The following DNAJC10 variants were observed in gnomAD, a reference collection of about 807,000 sequenced individuals.
DNAJC10 encodes DnaJ heat shock protein family (Hsp40) member C10.
Under a neutral mutation model 115.0 loss-of-function variants are expected in DNAJC10, and 101 were observed. The ratio of observed to expected loss-of-function variants is 0.88; its 90% CI spans 0.75 to 1.04. The LOEUF (loss-of-function observed/expected upper bound fraction) is 1.04. DNAJC10 is among the 50% of genes least tolerant of loss of function. DNAJC10 has a pLI of 0.00. For synonymous variants in DNAJC10, 307 were observed against 301.5 expected, an observed-to-expected ratio of 1.02 and a Z score of -0.19; for missense variants, 981 against 928.8, an observed-to-expected ratio of 1.06 and a Z score of -0.73.
chr2:182,767,308 C>T (rs147847597), intron 22 of DNAJC10, among the ~76,000 whole-genome samples: 5 of 152,318 alleles, frequency 3.3e-5, no homozygotes, highest in African/African-American at 1.2e-4. Context: ...TCTAAGGTTC[C>T]GTGATCAGGA....
intron 10 of DNAJC10, chr2:182,732,789 T>A (rs1693484923): frequency 4.0e-6 from 2 of 496,116 alleles, no homozygotes; most frequent in African/African-American, 2.0e-5. Context: ...TATAAGTTCC[T>A]CTTCAACTGA....
At chr2:182,750,963 G>A (rs2105666364) in intron 14 of DNAJC10, among the ~76,000 whole-genome samples, 1 of 152,212 alleles carries the variant, frequency 6.6e-6, no homozygotes, top group South Asian at 2.1e-4. Flanking sequence ...TCACTGGGCA[G>A]TTGGTAATAT....
rs1230753306 is a variant in DNAJC10, at chr2:182,778,742, TAAC to T, written c.*1612_*1614del. On this transcript the variant is annotated 3_prime_UTR_variant, in exon 24 of 24. Transcript: ENST00000264065. ...TGGAACAGTCACCACTTGTCACACTTAACACCAGCTTTTTGAATTATGATCAGT... is the reference window on the plus strand; with the variant it reads ...TGGAACAGTCACCACTTGTCACACTTACCAGCTTTTTGAATTATGATCAGT... The T allele has an allele frequency of 2.6e-5, 4 of 152,234 alleles. No homozygotes were observed. Among genetic ancestry groups the T allele is most frequent in the Non-Finnish European group, 5.9e-5 (4 of 68,042 alleles). The allele number at this position is 152,234 out of a possible 1,614,324, so 9.4% of individuals were successfully genotyped here.
intron 22 of DNAJC10, among the ~76,000 whole-genome samples, chr2:182,767,035 C>T (rs193058909): frequency 1.3e-5 from 2 of 152,206 alleles, no homozygotes; most frequent in South Asian, 2.1e-4. Context: ...GGAGCACCCC[C>T]GTGCTGTTCT....
chr2:182,773,032 C>T (rs1348148799), intron 22 of DNAJC10, among the ~76,000 whole-genome samples: 1 of 152,112 alleles, frequency 6.6e-6, no homozygotes, highest in Non-Finnish European at 1.5e-5. Context: ...TAAGGAAGGC[C>T]TGGTGGTGAC....
chr2:182,728,471 T>G (rs1054388944), intron 5 of DNAJC10, 105 bp from the exon 6 acceptor site: 1 of 649,590 alleles, frequency 1.5e-6, no homozygotes, highest in Admixed American at 2.9e-5. Flanking sequence ...ATATGAAAAT[T>G]GCATGACTTT....
At position 182,788,717 on chromosome 2, in the gene DNAJC10, A is replaced by G; in HGVS notation, c.*11585A>G. The G allele has an allele frequency of 2.3e-6, 1 of 428,824 alleles. No individual in the cohort carries two copies. Among genetic ancestry groups the G allele is most frequent in the Non-Finnish European group, 4.6e-6 (1 of 217,800 alleles). 26.6% of individuals were successfully genotyped at this position (428,824 alleles called of 1,614,324 possible). Reference sequence around the variant, plus strand: ...CACAAGTAACGTCTATTTATCTCAGAGGAAATCCAGGGAAGTTCCTACTTG... The same window carrying G: ...CACAAGTAACGTCTATTTATCTCAGGGGAAATCCAGGGAAGTTCCTACTTG... On this transcript the variant is annotated 3_prime_UTR_variant, in exon 24 of 24. Transcript: ENST00000264065.
chr2:182,720,244 A>G, intron 4 of DNAJC10, 75 bp downstream of exon 4: 1 of 1,245,284 alleles, frequency 8.0e-7, no homozygotes, highest in Non-Finnish European at 1.1e-6. Context: ...TTCACCACTT[A>G]GCTTATATAT....
Position 182,759,160 on chromosome 2 carries a change from A to G in DNAJC10, c.1998A>G (p.Gly666=). The G allele has an allele frequency of 1.3e-6, 2 of 1,571,092 alleles. No homozygotes were observed. The highest frequency in any genetic ancestry group is 2.4e-5 in the South Asian group (2 of 84,390). Residue 666 remains glycine, a splice_region_variant and synonymous_variant, in exon 21 of 24, where the codon GGA becomes GGG. Coordinates refer to ENST00000264065, the MANE Select transcript of DNAJC10 (RefSeq NM_018981.4). ...DAYSLRIWGL[G]FLPQVSTDLT... is the part of the protein sequence containing the mutation. ...AAATGATTTTGATCATTTGCCACAGATTTTTACCTCAAGTATCCACAGATC... is the reference window on the plus strand; with the variant it reads ...AAATGATTTTGATCATTTGCCACAGGTTTTTACCTCAAGTATCCACAGATC...
rs1694903262 is a variant in DNAJC10 at position 182,784,077 on chromosome 2, CAGCACTTTGGGAGGCCA to C, written c.*6948_*6964del. On this transcript the variant is annotated 3_prime_UTR_variant, in exon 24 of 24. Transcript: ENST00000264065. ...GTGCAGTAGCTCACGCCCATAATCC[CAGCACTTTGGGAGGCCA>C]AGTGGAAGGATCACTTAAGGCCAGG... is the stretch of plus-strand genomic sequence containing the variant. The C allele has an allele frequency of 6.6e-6, 1 of 152,078 alleles. No homozygotes were observed. The highest frequency in any genetic ancestry group is 2.4e-5 in the African/African-American group (1 of 41,402). The allele number at this position is 152,078 out of a possible 1,614,324, so 9.4% of individuals were successfully genotyped here. A position where few individuals can be genotyped will look rare whatever the true frequency, so the allele number is the denominator to read the frequency against.
In DNAJC10 at chr2:182,762,805, T is replaced by C. The variant is rs752037847; in HGVS notation, c.2265+4T>C. On this transcript the variant is annotated splice_donor_region_variant and intron_variant, in intron 22 of 23. Transcript: ENST00000264065. ...TTATTTCTACGAAAGAGCAAAGGTA[T>C]GTCCAGACTTTCCTCTGTTCCTTCC... 11 of 1,610,658 alleles carry C rather than the reference T, an allele frequency of 6.8e-6. No individual in the cohort carries two copies. The South Asian group carries it at 1.2e-4, about 18-fold the overall frequency.
chr2:182,733,780 C>CAGA (rs1693511553), intron 10 of DNAJC10, among the ~76,000 whole-genome samples: 1 of 93,382 alleles, frequency 1.1e-5, no homozygotes. Context: ...TCCAATCTCT[C>CAGA]TCAGATAGAT....
chr2:182,716,593 C>G (rs147988678), intron 1 of DNAJC10, 110 bp downstream of exon 1: 2 of 152,568 alleles, frequency 1.3e-5, no homozygotes, highest in African/African-American at 4.8e-5. Context: ...CCTGTGCGCT[C>G]TTAAGACCTG....
chr2:182,788,816 G>T lies in DNAJC10; in HGVS notation c.*11684G>T, dbSNP rs984761569. The T allele has an allele frequency of 6.6e-6, 3 of 456,470 alleles. No homozygotes were observed. Among genetic ancestry groups the T allele is most frequent in the Non-Finnish European group, 1.3e-5 (3 of 226,730 alleles). 28.3% of individuals were successfully genotyped at this position (456,470 alleles called of 1,614,324 possible). A position where few individuals can be genotyped will look rare whatever the true frequency, so the allele number is the denominator to read the frequency against. ...AGCTCTATGACTTTATGATCACTTA[G>T]TATGTCTACGGATTTTTTGGGGAAG... is the stretch of plus-strand genomic sequence containing the variant. On this transcript the variant is annotated 3_prime_UTR_variant, in exon 24 of 24. Coordinates refer to ENST00000264065, the MANE Select transcript of DNAJC10 (RefSeq NM_018981.4).
Position 182,787,482 on chromosome 2 carries a change from C to T in DNAJC10, c.*10350C>T, listed in dbSNP as rs1173556783. On this transcript the variant is annotated 3_prime_UTR_variant, in exon 24 of 24. Coordinates refer to ENST00000264065, the MANE Select transcript of DNAJC10 (RefSeq NM_018981.4). ...TCATTCATTATGACAAAACTGCCTA[C>T]CAAAGCCACAGACTTTAAGTCTTTG... The T allele has an allele frequency of 6.6e-6, 1 of 152,198 alleles. No individual in the cohort carries two copies. The highest frequency in any genetic ancestry group is 1.5e-5 in the Non-Finnish European group (1 of 68,036). The allele number at this position is 152,198 out of a possible 1,614,324, so 9.4% of individuals were successfully genotyped here.
At chr2:182,746,369 A>G (rs1434130096) in intron 14 of DNAJC10, among the ~76,000 whole-genome samples, 8 of 152,128 alleles carry the variant, frequency 5.3e-5, no homozygotes, top group East Asian at 3.9e-4. Flanking sequence ...AAGTGTTCCT[A>G]TTTCTCCACA....
chr2:182,774,440 A>G (rs948806062), intron 22 of DNAJC10, among the ~76,000 whole-genome samples: 1 of 152,200 alleles, frequency 6.6e-6, no homozygotes, highest in African/African-American at 2.4e-5. Context: ...TTGTTCAGCT[A>G]TGCCCTGCCA....
At chr2:182,718,881 TTTGA>T (rs1693069492) in intron 3 of DNAJC10, among the ~76,000 whole-genome samples, 1 of 152,154 alleles carries the variant, frequency 6.6e-6, no homozygotes, top group Non-Finnish European at 1.5e-5. Context: ...TTGTAATTTA[TTTGA>T]TTATTTCTTA....
chr2:182,775,477 T>G (rs1160801099), intron 23 of DNAJC10, 57 bp downstream of exon 23: 4 of 1,084,890 alleles, frequency 3.7e-6, no homozygotes, highest in Non-Finnish European at 5.6e-6. Flanking sequence ...TAGCAAAATC[T>G]ATTTTTCCTA....
Sources: gnomAD v4.1 joint callset for allele counts (sites outside exome capture counted in the v4.1 genomes callset) on GRCh38, gnomAD v4.1.1 for gene constraint, MANE v1.5 for transcripts, NCBI Gene and HGNC (gene_info 2026-07-23, HGNC 2026-07-21) for gene names.